Variants in IRAG1 observed in about 807,000 individuals in gnomAD.
IRAG1 encodes inositol 1,4,5-triphosphate receptor associated 1, also known as IP3R-associated cGMP kinase substrate.
In IRAG1, 62 loss-of-function variants were observed where a neutral mutation model predicts 106.2. That is an observed-to-expected ratio of 0.58 (90% CI 0.48 to 0.72). IRAG1 has a LOEUF of 0.72. IRAG1 is among the 30% of genes least tolerant of loss of function. IRAG1 has a pLI of 0.00. For missense variants in IRAG1, 1,064 were observed against 1,140.7 expected, an observed-to-expected ratio of 0.93 and a Z score of 0.97; for synonymous variants, 462 against 443.9, an observed-to-expected ratio of 1.04 and a Z score of -0.51.
At chr11:10,633,931 T>C (rs747876304) in intron 3 of IRAG1, 37 bp downstream of exon 3, 3 of 1,269,092 alleles carry the variant, frequency 2.4e-6, no homozygotes, top group Non-Finnish European at 3.4e-6. Context: ...TTCTAGGAAA[T>C]ATTGTTTGTC....
intron 10 of IRAG1, among the ~76,000 whole-genome samples, chr11:10,621,112 C>G (rs1315416587): frequency 6.6e-6 from 1 of 151,838 alleles, no homozygotes; most frequent in East Asian, 1.9e-4. Flanking sequence ...AGTGTTTTTT[C>G]CAGTGTTTTA....
At chr11:10,650,688 T>C (rs549693329) in intron 2 of IRAG1, among the ~76,000 whole-genome samples, 133 of 152,288 alleles carry the variant, frequency 8.7e-4, no homozygotes, top group African/African-American at 3.0e-3. Flanking sequence ...CTTGGCACCC[T>C]CAGCAGCAGG....
chr11:10,619,061 T>C (rs1191427690), intron 10 of IRAG1, among the ~76,000 whole-genome samples: 5 of 152,148 alleles, frequency 3.3e-5, no homozygotes, highest in Non-Finnish European at 5.9e-5. Context: ...TGGTGGGGCC[T>C]GAACCCTTTT....
intron 13 of IRAG1, among the ~76,000 whole-genome samples, chr11:10,604,121 C>A (rs548152101): frequency 6.6e-6 from 1 of 152,316 alleles, no homozygotes; most frequent in African/African-American, 2.4e-5. Context: ...AATGTGAACA[C>A]GCTATCCCTG....
intron 2 of IRAG1, among the ~76,000 whole-genome samples, chr11:10,644,580 G>T (rs962748899): frequency 6.6e-6 from 1 of 152,158 alleles, no homozygotes; most frequent in Non-Finnish European, 1.5e-5. Flanking sequence ...CATCATGCCT[G>T]TGTCTTGGAG....
intron 3 of IRAG1, among the ~76,000 whole-genome samples, chr11:10,633,070 T>C (rs1397336794): frequency 7.1e-6 from 1 of 140,900 alleles, no homozygotes; most frequent in Non-Finnish European, 1.5e-5. Context: ...TCTTTTTCTT[T>C]CTTTCTTTTT....
chr11:10,629,677 G>C lies in IRAG1; in HGVS notation c.435C>G (p.Asp145Glu), dbSNP rs745710445. The change falls in exon 5 of 21, where the codon GAC becomes GAG. Residue 145 changes from aspartate to glutamate, a missense_variant. By Grantham distance (45) the Asp-to-Glu change is conservative. Coordinates refer to ENST00000423302, the MANE Select transcript of IRAG1 (RefSeq NM_130385.4). ...PAGHIIDLVNDQLPDISISEE... is the reference protein window; with the variant it reads ...PAGHIIDLVNEQLPDISISEE... ...CTGAGATGCTGATGTCTGGCAGCTG[G>C]TCATTCACCAGGTCAATGATGTGCC... The C allele has an allele frequency of 3.1e-6, 5 of 1,613,864 alleles. No homozygotes were observed. The highest frequency in any genetic ancestry group is 4.2e-6 in the Non-Finnish European group (5 of 1,179,856).
At chr11:10,654,552 T>G (rs140036427) in intron 1 of IRAG1, among the ~76,000 whole-genome samples, 256 of 152,300 alleles carry the variant, frequency 1.7e-3, no homozygotes, top group African/African-American at 5.8e-3. Flanking sequence ...ACACCTACTC[T>G]ACCAGGCCTG....
At chr11:10,598,840 T>A (rs1039149271) in intron 15 of IRAG1, among the ~76,000 whole-genome samples, 3 of 152,258 alleles carry the variant, frequency 2.0e-5, no homozygotes, top group South Asian at 4.1e-4. Context: ...ATGTTATTTT[T>A]AAAAAATGTA....
chr11:10,586,709 C>G (rs954458499), intron 18 of IRAG1, among the ~76,000 whole-genome samples: 4 of 152,182 alleles, frequency 2.6e-5, no homozygotes, highest in African/African-American at 9.6e-5. Context: ...TGAGCCACCG[C>G]ACCTGGCCCT....
intron 18 of IRAG1, among the ~76,000 whole-genome samples, chr11:10,590,354 C>G (rs574230473): frequency 6.6e-6 from 1 of 152,050 alleles, no homozygotes; most frequent in African/African-American, 2.4e-5. Flanking sequence ...GGCAAAGAGA[C>G]GAAATGCTGG....
Position 10,618,716 on chromosome 11 carries a change from C to T in IRAG1, c.1447+5062G>A, listed in dbSNP as rs145432514. Among the ~76,000 whole-genome samples, 512 of 152,216 alleles carry T rather than the reference C, an allele frequency of 3.4e-3. 3 individuals carry two copies. The highest frequency in any genetic ancestry group is 5.4e-3 in the Non-Finnish European group (364 of 68,016). Reference sequence around the variant, plus strand: ...CATGCAGAAGACAGAATGTGCCATGCGTAAGAAGAGGAAAGAATGAGCTGC... The same window carrying T: ...CATGCAGAAGACAGAATGTGCCATGTGTAAGAAGAGGAAAGAATGAGCTGC... On this transcript the variant is annotated intron_variant, in intron 10 of 20. Transcript: ENST00000423302.
chr11:10,616,985 T>A (rs1855483793), intron 10 of IRAG1: 1 of 978,316 alleles, frequency 1.0e-6, no homozygotes, highest in Non-Finnish European at 1.2e-6. Flanking sequence ...ATGCTCTGAG[T>A]CCCAGGATGG....
At chr11:10,640,768 C>A (rs1857454291) in intron 2 of IRAG1, among the ~76,000 whole-genome samples, 1 of 152,184 alleles carries the variant, frequency 6.6e-6, no homozygotes. Context: ...AACCTACTGG[C>A]TTAGGGGCTT....
chr11:10,674,193 A>G lies in IRAG1; in HGVS notation c.67+19343T>C, dbSNP rs548635195. Among the ~76,000 whole-genome samples the G allele has an allele frequency of 2.0e-5, 3 of 152,354 alleles. No homozygotes were observed. In the South Asian group the frequency reaches 6.2e-4, roughly 32 times the overall value. ...GTAAGCAGGCAATTTGCAAGCAAGC[A>G]CAGAGAGCGAGAGCTGGGATGCAGT... On this transcript the variant is annotated intron_variant, in intron 1 of 20. Coordinates refer to ENST00000423302, the MANE Select transcript of IRAG1 (RefSeq NM_130385.4).
rs750310566 is a variant in IRAG1 at position 10,680,344 on chromosome 11, GGAAAGAAA to G, written c.67+13184_67+13191del. 1.4e-3 allele frequency among the ~76,000 whole-genome samples: 96 copies of G among 67,988 alleles called. 1 individual carries two copies. The highest frequency in any genetic ancestry group is 5.8e-3 in the African/African-American group (90 of 15,432). 44.6% of individuals were successfully genotyped at this position (67,988 alleles called of 152,430 possible). On this transcript the variant is annotated intron_variant, in intron 1 of 20. Coordinates refer to ENST00000423302, the MANE Select transcript of IRAG1 (RefSeq NM_130385.4). ...AGGGGGGAAGGAAGGAAGGAAGGAA[GGAAAGAAA>G]GAAAGAAAGAAAGAAAGAAGGAAGG...
intron 2 of IRAG1, among the ~76,000 whole-genome samples, 168 bp downstream of exon 2, chr11:10,651,857 A>C (rs930622077): frequency 6.6e-6 from 1 of 152,236 alleles, no homozygotes; most frequent in African/African-American, 2.4e-5. Context: ...ACCAACTCAG[A>C]GTAATTGATT....
At chr11:10,636,343 T>G (rs953893879) in intron 2 of IRAG1, among the ~76,000 whole-genome samples, 2 of 152,182 alleles carry the variant, frequency 1.3e-5, no homozygotes, top group Non-Finnish European at 2.9e-5. Context: ...CCTGGCTGAC[T>G]TAAAAATTTT....
chr11:10,645,191 A>G (rs1021861348), intron 2 of IRAG1, among the ~76,000 whole-genome samples: 60 of 152,282 alleles, frequency 3.9e-4, no homozygotes, highest in Admixed American at 7.2e-4. Context: ...CCTCGATTCC[A>G]TATTTATTGA....
Sources: gnomAD v4.1 joint callset for allele counts (sites outside exome capture counted in the v4.1 genomes callset) on GRCh38, gnomAD v4.1.1 for gene constraint, MANE v1.5 for transcripts, NCBI Gene and HGNC (gene_info 2026-07-23, HGNC 2026-07-21) for gene names.